CD48: variants seen among roughly 807,000 people sequenced by gnomAD.
CD48 encodes CD48 molecule.
Under a neutral mutation model 22.0 loss-of-function variants are expected in CD48, and 20 were observed. That is an observed-to-expected ratio of 0.91 (90% confidence interval 0.64 to 1.32). The LOEUF (loss-of-function observed/expected upper bound fraction) is 1.32, where lower values mean the gene tolerates loss of function less well. Ranked by LOEUF, CD48 falls within the 40% of genes most tolerant of loss-of-function variation. CD48 has a pLI of 0.00. For synonymous variants in CD48, 110 were observed against 110.1 expected, an observed-to-expected ratio of 1.00 and a Z score of 0.01; for missense variants, 307 against 286.5, an observed-to-expected ratio of 1.07 and a Z score of -0.52.
intron 1 of CD48, among the ~76,000 whole-genome samples, chr1:160,685,611 C>G (rs2102407775): frequency 6.6e-6 from 1 of 152,240 alleles, no homozygotes; most frequent in South Asian, 2.1e-4. Context: ...ATAAAAAGTA[C>G]ATGATTCTGT....
chr1:160,705,760 T>G lies in CD48; in HGVS notation c.82+5922A>C, dbSNP rs78009106. ...AGATCAATGTTTTTCAGTCTTGACA[T>G]TATTGACATTTTGGGCCACATAATT... is the stretch of plus-strand genomic sequence containing the variant. On this transcript the variant is annotated intron_variant, in intron 1 of 3. Transcript: ENST00000368046. Among the ~76,000 whole-genome samples the G allele has an allele frequency of 7.8e-3, 1,182 of 152,310 alleles. 14 individuals are homozygous for G. The highest frequency in any genetic ancestry group is 0.027 in the African/African-American group (1,126 of 41,564).
intron 2 of CD48, among the ~76,000 whole-genome samples, chr1:160,682,690 T>C (rs1661855132): frequency 1.3e-5 from 2 of 152,268 alleles, no homozygotes; most frequent in South Asian, 2.1e-4. Context: ...CATCGCGCAA[T>C]GTTAGTAAGA....
chr1:160,703,540 A>T (rs761846292), intron 1 of CD48, among the ~76,000 whole-genome samples: 13 of 152,274 alleles, frequency 8.5e-5, no homozygotes, highest in Admixed American at 3.9e-4. Flanking sequence ...GAATTAGCAT[A>T]TCTATGGTAC....
intron 3 of CD48, chr1:160,680,613 G>A: frequency 1.0e-5 from 10 of 1,003,978 alleles, no homozygotes; most frequent in Non-Finnish European, 1.2e-5. Flanking sequence ...CTCATGAGTG[G>A]ATCCTCCCAG....
At chr1:160,692,775 A>C (rs1662272680) in intron 1 of CD48, among the ~76,000 whole-genome samples, 1 of 152,340 alleles carries the variant, frequency 6.6e-6, no homozygotes, top group Non-Finnish European at 1.5e-5. Flanking sequence ...GGAGCCCAAG[A>C]GGGAGAGCCT....
At chr1:160,697,989 C>A (rs1662493137) in intron 1 of CD48, among the ~76,000 whole-genome samples, 1 of 152,214 alleles carries the variant, frequency 6.6e-6, no homozygotes, top group African/African-American at 2.4e-5. Flanking sequence ...AGTCCTGTTT[C>A]TGGTCCTGAA....
At chr1:160,683,983 A>G (rs1443649911) in intron 2 of CD48, 1 of 152,168 alleles carries the variant, frequency 6.6e-6, no homozygotes, top group Admixed American at 6.5e-5. Context: ...ACCTGAACTA[A>G]ATTGGGACTA....
intron 1 of CD48, among the ~76,000 whole-genome samples, chr1:160,689,293 C>T (rs889663302): frequency 6.7e-6 from 1 of 150,264 alleles, no homozygotes; most frequent in Non-Finnish European, 1.5e-5. Flanking sequence ...TGGCTCTAGG[C>T]ATCTACACAC....
At chr1:160,700,819 C>T (rs539046893) in intron 1 of CD48, among the ~76,000 whole-genome samples, 14 of 152,208 alleles carry the variant, frequency 9.2e-5, no homozygotes, top group African/African-American at 2.6e-4. Flanking sequence ...AGGTTGAATA[C>T]ATTGTTTATC....
chr1:160,691,520 C>G (rs1662218059), intron 1 of CD48, among the ~76,000 whole-genome samples: 1 of 152,192 alleles, frequency 6.6e-6, no homozygotes, highest in South Asian at 2.1e-4. Context: ...ACCCTCTCCC[C>G]ACTATTGTCT....
At chr1:160,684,278 T>A (rs893028083) in intron 2 of CD48, 5 of 153,700 alleles carry the variant, frequency 3.3e-5, no homozygotes, top group Admixed American at 3.2e-4. Flanking sequence ...TGTTATTTGC[T>A]ATCAAAAGAA....
intron 1 of CD48, among the ~76,000 whole-genome samples, chr1:160,704,773 T>C (rs1429975440): frequency 6.6e-6 from 1 of 152,226 alleles, no homozygotes; most frequent in East Asian, 1.9e-4. Context: ...GTATTTCCAG[T>C]TTTGTTCTTT....
intron 1 of CD48, among the ~76,000 whole-genome samples, chr1:160,686,396 G>A (rs967513403): frequency 5.3e-5 from 8 of 152,156 alleles, no homozygotes; most frequent in South Asian, 2.1e-4. Context: ...ATTCCTATCC[G>A]GAGGGTAGGG....
At chr1:160,685,711 G>T (rs1342606267) in intron 1 of CD48, among the ~76,000 whole-genome samples, 2 of 152,116 alleles carry the variant, frequency 1.3e-5, no homozygotes, top group Admixed American at 1.3e-4. Context: ...TAAAGGTAAC[G>T]TGGGGACCAA....
At chr1:160,704,105 A>T (rs1383537948) in intron 1 of CD48, among the ~76,000 whole-genome samples, 1 of 152,316 alleles carries the variant, frequency 6.6e-6, no homozygotes, top group South Asian at 2.1e-4. Context: ...AAGGTAACAA[A>T]GTGGAGACTG....
Position 160,679,094 on chromosome 1 carries a change from T to C in CD48, c.690A>G (p.Leu230=), listed in dbSNP as rs1661709008. The change falls in exon 4 of 4, where the codon CTA becomes CTG. Residue 230 remains leucine (L), a synonymous_variant. Transcript: ENST00000368046. ...SFGVEWIASW[L]VVTVPTILGL... ...CAAGAATGGTGGGCACCGTGACCACTAGCCAACTTGCAATCCATTCTACTC... is the reference window on the plus strand; with the variant it reads ...CAAGAATGGTGGGCACCGTGACCACCAGCCAACTTGCAATCCATTCTACTC... The C allele has an allele frequency of 6.2e-7, 1 of 1,614,164 alleles. No homozygotes were observed. The highest frequency in any genetic ancestry group is 8.5e-7 in the Non-Finnish European group (1 of 1,180,004).
chr1:160,682,489 G>C (rs1240268437), intron 2 of CD48, among the ~76,000 whole-genome samples: 3 of 116,418 alleles, frequency 2.6e-5, no homozygotes, highest in African/African-American at 9.4e-5. Flanking sequence ...AAGAAAGGAA[G>C]AAAGAGAGAG....
At chr1:160,703,836 G>A (rs186696244) in intron 1 of CD48, among the ~76,000 whole-genome samples, 78 of 152,292 alleles carry the variant, frequency 5.1e-4, no homozygotes, top group African/African-American at 1.8e-3. Context: ...ACAGAGGAAA[G>A]AGCCAGAGCA....
chr1:160,702,003 T>C (rs899218099), intron 1 of CD48, among the ~76,000 whole-genome samples: 1 of 152,170 alleles, frequency 6.6e-6, no homozygotes, highest in Admixed American at 6.5e-5. Flanking sequence ...CTTATCGCCT[T>C]TGTTTAAAAT....
Sources: allele counts gnomAD v4.1 joint callset (sites outside exome capture counted in the v4.1 genomes callset), GRCh38; gene constraint gnomAD v4.1.1; transcripts MANE v1.5; gene names NCBI Gene and HGNC (gene_info 2026-07-23, HGNC 2026-07-21).